Variants in CAMK4 observed in about 807,000 individuals in gnomAD.
The protein encoded by CAMK4 is calcium/calmodulin dependent protein kinase IV.
CAMK4 carries 22 observed loss-of-function variants against 44.9 expected under a neutral mutation model. The ratio of observed to expected loss-of-function variants is 0.49; its 90% CI spans 0.35 to 0.70. CAMK4 has a LOEUF of 0.70. Among genes scored for constraint, CAMK4 ranks in the 30% least tolerant of loss-of-function variants. The pLI is 0.01. For synonymous variants in CAMK4, 218 were observed against 215.4 expected, an observed-to-expected ratio of 1.01 and a Z score of -0.11; for missense variants, 498 against 586.8, an observed-to-expected ratio of 0.85 and a Z score of 1.56.
intron 1 of CAMK4, among the ~76,000 whole-genome samples, chr5:111,310,320 A>G (rs1173272896): frequency 1.3e-5 from 2 of 152,206 alleles, no homozygotes; most frequent in Non-Finnish European, 1.5e-5. Flanking sequence ...ATAAAGTGTT[A>G]TCTGTGTACT....
chr5:111,227,889 C>T (rs2112488002), intron 1 of CAMK4, among the ~76,000 whole-genome samples: 1 of 152,318 alleles, frequency 6.6e-6, no homozygotes, highest in South Asian at 2.1e-4. Flanking sequence ...ACGAATTGGC[C>T]ATGATCCTAT....
At chr5:111,460,416 C>A (rs961485274) in intron 7 of CAMK4, among the ~76,000 whole-genome samples, 1 of 151,640 alleles carries the variant, frequency 6.6e-6, no homozygotes, top group African/African-American at 2.4e-5. Flanking sequence ...GGACCACAAG[C>A]GCACACTGCC....
intron 1 of CAMK4, among the ~76,000 whole-genome samples, chr5:111,326,944 G>A (rs1481448032): frequency 6.6e-6 from 1 of 151,730 alleles, no homozygotes; most frequent in East Asian, 1.9e-4. Context: ...GTTATTATAT[G>A]TTTAATTAAA....
At chr5:111,248,709 A>G (rs1377452792) in intron 1 of CAMK4, among the ~76,000 whole-genome samples, 1 of 152,166 alleles carries the variant, frequency 6.6e-6, no homozygotes, top group Non-Finnish European at 1.5e-5. Flanking sequence ...TATTGTGATG[A>G]TATATTATCA....
chr5:111,487,568 A>G lies in CAMK4; in HGVS notation c.*3102A>G, dbSNP rs1309709636. ...CATTTTAAGAAAAATAGATGAAAGT[A>G]TAGTATTTTTAATCCAATTCATCCA... is the stretch of plus-strand genomic sequence containing the variant. On this transcript the variant is annotated 3_prime_UTR_variant, in exon 11 of 11. Transcript: ENST00000282356. 2.0e-5 allele frequency: 3 copies of G among 152,340 alleles called. No homozygotes were observed. The highest frequency in any genetic ancestry group is 2.9e-5 in the Non-Finnish European group (2 of 68,026). The allele number at this position is 152,340 out of a possible 1,614,324, so 9.4% of individuals were successfully genotyped here. A position where few individuals can be genotyped will look rare whatever the true frequency, so the allele number is the denominator to read the frequency against.
chr5:111,316,794 T>C (rs368084835), intron 1 of CAMK4, among the ~76,000 whole-genome samples: 8 of 152,288 alleles, frequency 5.3e-5, no homozygotes, highest in African/African-American at 1.9e-4. Flanking sequence ...TCAATTAATA[T>C]TGCATTTTCA....
intron 1 of CAMK4, among the ~76,000 whole-genome samples, chr5:111,331,378 A>G (rs1749162425): frequency 6.6e-6 from 1 of 151,764 alleles, no homozygotes. Flanking sequence ...AAATCACAAT[A>G]TGACACCACC....
intron 5 of CAMK4, among the ~76,000 whole-genome samples, chr5:111,429,777 C>CAAAAAAAAAAAAAAAAA (rs70973607): frequency 7.6e-5 from 2 of 26,352 alleles, no homozygotes; most frequent in African/African-American, 2.9e-4. Flanking sequence ...GACCTCATCT[C>CAAAAAAAAAAAAAAAAA]AAAAAAAAAA....
intron 1 of CAMK4, among the ~76,000 whole-genome samples, chr5:111,281,819 G>A (rs2112605626): frequency 6.6e-6 from 1 of 152,224 alleles, no homozygotes; most frequent in East Asian, 1.9e-4. Flanking sequence ...AGCACTTTGG[G>A]AGGCCGAGGC....
At position 111,484,307 on chromosome 5, in the gene CAMK4, G is replaced by A. The variant is rs202094363; in HGVS notation, c.1263G>A (p.Val421=). ...EEAPKMVPKA[V]EDGIKVADLE... ...CCCCCAAAATGGTGCCCAAGGCAGT[G>A]GAGGATGGGATAAAGGTGGCTGACC... is the stretch of plus-strand genomic sequence containing the variant. Residue 421 remains valine, a synonymous_variant, in exon 11 of 11, where the codon GTG becomes GTA. Coordinates refer to ENST00000282356, the MANE Select transcript of CAMK4 (RefSeq NM_001744.6). This position sits in a 1 kb window ranked among gnomAD's most constrained non-coding sequence, Gnocchi z 5.3. 6.8e-6 allele frequency: 11 copies of A among 1,614,070 alleles called. No homozygotes were observed. In the East Asian group the frequency reaches 2.0e-4, roughly 29 times the overall value.
intron 4 of CAMK4, among the ~76,000 whole-genome samples, chr5:111,380,909 A>G (rs1751389468): frequency 6.6e-6 from 1 of 152,176 alleles, no homozygotes; most frequent in Non-Finnish European, 1.5e-5. Flanking sequence ...TGGCTGGTAT[A>G]CTTCTTGTCA....
intron 2 of CAMK4, among the ~76,000 whole-genome samples, chr5:111,358,362 G>A (rs758779453): frequency 1.3e-5 from 2 of 152,004 alleles, no homozygotes; most frequent in African/African-American, 4.8e-5. Flanking sequence ...ATGAACACAG[G>A]TGTGGCTATA....
At chr5:111,230,634 A>C (rs1188482266) in intron 1 of CAMK4, among the ~76,000 whole-genome samples, 2 of 151,952 alleles carry the variant, frequency 1.3e-5, no homozygotes, top group Non-Finnish European at 2.9e-5. Flanking sequence ...AGAGAGAGAG[A>C]AAAAGAACAC....
intron 2 of CAMK4, among the ~76,000 whole-genome samples, chr5:111,345,065 T>A (rs1471840815): frequency 8.2e-6 from 1 of 121,606 alleles, no homozygotes; most frequent in African/African-American, 4.2e-5. Context: ...GGCCAAGGAA[T>A]TTTTTTTCCT....
intron 5 of CAMK4, among the ~76,000 whole-genome samples, chr5:111,415,994 A>G (rs960842934): frequency 6.6e-6 from 1 of 152,182 alleles, no homozygotes; most frequent in African/African-American, 2.4e-5. Flanking sequence ...GGACCTAAGC[A>G]TCACTGAATG....
chr5:111,336,463 C>A (rs1051269556), intron 1 of CAMK4, among the ~76,000 whole-genome samples: 6 of 135,674 alleles, frequency 4.4e-5, no homozygotes, highest in Admixed American at 2.3e-4. Context: ...TATTTAATTT[C>A]AATTAATAAT....
At chr5:111,230,811 C>G (rs549996371) in intron 1 of CAMK4, among the ~76,000 whole-genome samples, 5 of 151,366 alleles carry the variant, frequency 3.3e-5, no homozygotes, top group African/African-American at 1.2e-4. Flanking sequence ...TCTTTTTTTC[C>G]TCTTTTTTTT....
At chr5:111,315,592 T>A (rs905041882) in intron 1 of CAMK4, among the ~76,000 whole-genome samples, 3 of 152,184 alleles carry the variant, frequency 2.0e-5, no homozygotes, top group Non-Finnish European at 4.4e-5. Flanking sequence ...AAGATTATGA[T>A]CTTCATTTTT....
chr5:111,247,109 T>C (rs1289046158), intron 1 of CAMK4, among the ~76,000 whole-genome samples: 1 of 151,924 alleles, frequency 6.6e-6, no homozygotes, highest in African/African-American at 2.4e-5. Flanking sequence ...AAAATACATA[T>C]ATATATTATG....
Sources: gnomAD v4.1 joint callset for allele counts (sites outside exome capture counted in the v4.1 genomes callset) on GRCh38, gnomAD v4.1.1 for gene constraint, Gnocchi (gnomAD v3.1) non-coding constraint, MANE v1.5 for transcripts, NCBI Gene and HGNC (gene_info 2026-07-23, HGNC 2026-07-21) for gene names.